HVCN1: variants seen among roughly 807,000 people sequenced by gnomAD.
HVCN1 encodes voltage-gated hydrogen channel 1.
Under a neutral mutation model 29.2 loss-of-function variants are expected in HVCN1, and 14 were observed. That is an observed-to-expected ratio of 0.48 (90% CI 0.32 to 0.75). The LOEUF is 0.75. Among genes scored for constraint, HVCN1 ranks in the 30% least tolerant of loss-of-function variants. The probability of loss-of-function intolerance (pLI) is 0.04; values close to 1 mark genes in which losing one functional copy is unlikely to be tolerated. For synonymous variants in HVCN1, 131 were observed against 133.2 expected (o/e 0.98, Z 0.11); for missense variants, 263 against 341.8 (o/e 0.77, Z 1.82).
upstream of HVCN1, among the ~76,000 whole-genome samples, chr12:110,691,034 C>T (rs1192867799): frequency 6.6e-5 from 10 of 152,076 alleles, no homozygotes; most frequent in East Asian, 1.9e-4. Flanking sequence ...GGATTACAGG[C>T]GTGAAACACC....
At chr12:110,687,586 T>A (rs1292856633) in intron 2 of HVCN1, among the ~76,000 whole-genome samples, 1 of 151,736 alleles carries the variant, frequency 6.6e-6, no homozygotes, top group African/African-American at 2.4e-5. Flanking sequence ...TGCTGGGGAT[T>A]TGGATGGAAG....
chr12:110,703,242 C>T (rs1397625182), intron 1 of HVCN1, among the ~76,000 whole-genome samples: 1 of 146,592 alleles, frequency 6.8e-6, no homozygotes, highest in African/African-American at 2.5e-5. Context: ...TAAAAATTAG[C>T]TGGATGTGCT....
intron 3 of HVCN1, among the ~76,000 whole-genome samples, chr12:110,666,854 G>A (rs781680958): frequency 2.6e-5 from 4 of 151,996 alleles, no homozygotes; most frequent in South Asian, 2.1e-4. Flanking sequence ...CTTTTCCTTC[G>A]AGAGCCCTCA....
rs116210213 is a variant in HVCN1, at chr12:110,676,984, C to A, written c.21+6241G>T. Among the ~76,000 whole-genome samples, 498 of 152,064 alleles carry A rather than the reference C, an allele frequency of 3.3e-3. 5 individuals are homozygous for A. Among genetic ancestry groups the A allele is most frequent in the African/African-American group, 0.012 (484 of 41,506 alleles). On this transcript the variant is annotated intron_variant, in intron 3 of 7. Coordinates refer to ENST00000242607, the MANE Select transcript of HVCN1 (RefSeq NM_032369.4). This position sits in a 1 kb window ranked among gnomAD's most constrained non-coding sequence, Gnocchi z 4.1. Reference sequence around the variant, plus strand: ...AGCACTTTGGGAGGCTGAGGGGGATCACTGAGTTCAGGAGTTCAAGACCAG... The same window carrying A: ...AGCACTTTGGGAGGCTGAGGGGGATAACTGAGTTCAGGAGTTCAAGACCAG...
At chr12:110,668,721 C>T (rs926854683) in intron 3 of HVCN1, among the ~76,000 whole-genome samples, 4 of 152,160 alleles carry the variant, frequency 2.6e-5, no homozygotes, top group Admixed American at 6.5e-5. Context: ...CGGGACACCC[C>T]CACAGCTCCA....
intron 3 of HVCN1, among the ~76,000 whole-genome samples, chr12:110,672,147 T>A (rs989397221): frequency 6.6e-6 from 1 of 152,192 alleles, no homozygotes; most frequent in African/African-American, 2.4e-5. Flanking sequence ...TATTTCCTTT[T>A]TATTGAGATG....
chr12:110,700,969 G>C (rs1024912553), intron 2 of HVCN1, among the ~76,000 whole-genome samples: 2 of 152,214 alleles, frequency 1.3e-5, no homozygotes, highest in Non-Finnish European at 2.9e-5. Context: ...TCTCAGCTGG[G>C]ACTACTATTT....
At chr12:110,682,151 C>A (rs964264239) in intron 3 of HVCN1, among the ~76,000 whole-genome samples, 2 of 152,066 alleles carry the variant, frequency 1.3e-5, no homozygotes. Flanking sequence ...GGATGCCTGG[C>A]TAATTTTTGT....
intron 2 of HVCN1, among the ~76,000 whole-genome samples, chr12:110,696,235 T>G (rs1403411609): frequency 1.3e-5 from 2 of 152,006 alleles, no homozygotes; most frequent in South Asian, 2.1e-4. Flanking sequence ...ATTACAGGTG[T>G]GAGCCACTGT....
chr12:110,686,880 T>G (rs2069203588), intron 2 of HVCN1, among the ~76,000 whole-genome samples: 1 of 152,164 alleles, frequency 6.6e-6, no homozygotes, highest in Admixed American at 6.5e-5. Flanking sequence ...GCCAAAAACA[T>G]GCACAATATG....
At chr12:110,687,257 ACCC>A (rs59009240) in intron 2 of HVCN1, among the ~76,000 whole-genome samples, 19 of 109,276 alleles carry the variant, frequency 1.7e-4, no homozygotes, top group East Asian at 2.9e-4. Context: ...GACAGACCAC[ACCC>A]CCCCCCCCCA....
chr12:110,694,079 T>G (rs1414522505), upstream of HVCN1, among the ~76,000 whole-genome samples: 1 of 152,166 alleles, frequency 6.6e-6, no homozygotes, highest in Non-Finnish European at 1.5e-5. The surrounding 1 kb of genome is among the most constrained non-coding windows in gnomAD (Gnocchi z 4.6). Context: ...CTTACTTATT[T>G]AGGGATGGGG....
At chr12:110,650,822 T>A (rs909686164) in intron 6 of HVCN1, among the ~76,000 whole-genome samples, 15 of 151,424 alleles carry the variant, frequency 9.9e-5, no homozygotes, top group Admixed American at 7.2e-4. Context: ...GCCTCCCCAG[T>A]GGCTGGGACT....
chr12:110,656,314 C>T (rs920093537), intron 4 of HVCN1, among the ~76,000 whole-genome samples: 1 of 152,112 alleles, frequency 6.6e-6, no homozygotes, highest in African/African-American at 2.4e-5. Flanking sequence ...GCCTCCTGGG[C>T]TTTGTGATGG....
intron 5 of HVCN1, among the ~76,000 whole-genome samples, 158 bp from the exon 6 acceptor site, chr12:110,651,606 G>A (rs1295131920): frequency 6.6e-6 from 1 of 152,148 alleles, no homozygotes; most frequent in African/African-American, 2.4e-5. Context: ...CACAGATGAG[G>A]CACCTGCTCT....
intron 1 of HVCN1, among the ~76,000 whole-genome samples, chr12:110,704,528 C>T (rs1308000302): frequency 1.3e-5 from 2 of 151,680 alleles, no homozygotes; most frequent in African/African-American, 2.4e-5. Context: ...TGTGGTAGTG[C>T]GTGCCTGTGG....
At chr12:110,702,657 A>AT (rs753012773) in intron 1 of HVCN1, among the ~76,000 whole-genome samples, 190 of 92,390 alleles carry the variant, frequency 2.1e-3, no homozygotes, top group Middle Eastern at 6.9e-3. Flanking sequence ...TAATTTTTGT[A>AT]TTTTTTTTTT....
In HVCN1 at chr12:110,694,949, G is replaced by T. The variant is rs1030851304; in HGVS notation, c.-103-6241C>A. Reference sequence around the variant, plus strand: ...CCTGCCTCAATGGTTTCCCTTGCCCGCTGGGTGATCTGTCATCAATTCAGC... The same window carrying T: ...CCTGCCTCAATGGTTTCCCTTGCCCTCTGGGTGATCTGTCATCAATTCAGC... On this transcript the variant is annotated intron_variant, in intron 2 of 4. Transcript: ENST00000546713. This position sits in a 1 kb window ranked among gnomAD's most constrained non-coding sequence, Gnocchi z 4.6. Among the ~76,000 whole-genome samples, 1 of 152,198 alleles carries T rather than the reference G, an allele frequency of 6.6e-6. No individual in the cohort carries two copies. The highest frequency in any genetic ancestry group is 2.1e-4 in the South Asian group (1 of 4,834).
At chr12:110,704,363 T>C (rs2069587558) in intron 1 of HVCN1, among the ~76,000 whole-genome samples, 1 of 152,084 alleles carries the variant, frequency 6.6e-6, no homozygotes, top group Non-Finnish European at 1.5e-5. Flanking sequence ...CAAAAAATAG[T>C]GTGGGCCAGG....
Sources: gnomAD v4.1 joint callset for allele counts (sites outside exome capture counted in the v4.1 genomes callset) on GRCh38, gnomAD v4.1.1 for gene constraint, Gnocchi (gnomAD v3.1) non-coding constraint, MANE v1.5 for transcripts, NCBI Gene and HGNC (gene_info 2026-07-23, HGNC 2026-07-21) for gene names.